WNK1: variants seen among roughly 807,000 people sequenced by gnomAD.
WNK1 encodes serine/threonine-protein kinase WNK1.
A neutral mutation model predicts 222.8 loss-of-function variants in WNK1; 38 were observed. That is an observed-to-expected ratio of 0.17 (90% CI 0.13 to 0.22). The LOEUF is 0.22. Among genes scored for constraint, WNK1 ranks in the 10% least tolerant of loss-of-function variants. The pLI is 1.00. For missense variants in WNK1, 2,348 were observed against 2,918.4 expected, an observed-to-expected ratio of 0.80 and a Z score of 4.50; for synonymous variants, 1,090 against 1,092.9, an observed-to-expected ratio of 1.00 and a Z score of 0.05.
intron 6 of WNK1, among the ~76,000 whole-genome samples, chr12:859,908 G>A (rs1260076919): frequency 6.6e-6 from 1 of 151,816 alleles, no homozygotes; most frequent in Non-Finnish European, 1.5e-5. Flanking sequence ...TATAGACAGG[G>A]TTTCACCATG....
chr12:828,143 C>CAA lies in WNK1; in HGVS notation c.1153+893_1153+894dup, dbSNP rs71051393. 5.9e-4 allele frequency among the ~76,000 whole-genome samples: 81 copies of CAA among 137,472 alleles called. 1 individual carries two copies. The highest frequency in any genetic ancestry group is 4.1e-3 in the Admixed American group (56 of 13,712). The allele number at this position is 137,472 out of a possible 152,430, so 90.2% of individuals were successfully genotyped here. ...AGAAACCCCATCTCTATTAAAAATA[C>CAA]AAAAAAAAAAAAATTAGCCGGGTGT... On this transcript the variant is annotated intron_variant, in intron 3 of 27. Transcript: ENST00000315939.
rs553926609 is a variant in WNK1 at position 758,097 on chromosome 12, G to A, written c.759+3773G>A. ...AACATTGATGCACAGATTTAAGAAT[G>A]ATTTATTTTAAGCACCTTCCCAAGT... is the stretch of plus-strand genomic sequence containing the variant. On this transcript the variant is annotated intron_variant, in intron 1 of 27. Transcript: ENST00000315939. Among the ~76,000 whole-genome samples the A allele has an allele frequency of 1.4e-4, 20 of 144,926 alleles. 1 individual carries two copies. The highest frequency in any genetic ancestry group is 3.4e-3 in the Middle Eastern group (1 of 296).
intron 1 of WNK1, among the ~76,000 whole-genome samples, chr12:799,083 G>C (rs1343110790): frequency 6.6e-6 from 1 of 151,984 alleles, no homozygotes; most frequent in African/African-American, 2.4e-5. Flanking sequence ...TGATATTTTA[G>C]GTTGACATTA....
At chr12:793,933 C>G (rs1313892404) in intron 1 of WNK1, among the ~76,000 whole-genome samples, 2 of 152,182 alleles carry the variant, frequency 1.3e-5, no homozygotes, top group Non-Finnish European at 2.9e-5. Flanking sequence ...CTCAACTCTT[C>G]CAGTTGTGTG....
rs763523093 is a variant in WNK1, at chr12:884,096, C to CGTTT, written c.3722-12_3722-9dup. The stretch of plus-strand genomic sequence containing the variant: ...TTATAATAATAATGCTATTAAGTTA[C>CGTTT]GTTTGTTTGTTTGTTTTTGACCAGG... On this transcript the variant is annotated intron_variant, in intron 17 of 27. Transcript: ENST00000315939. This position sits in a 1 kb window ranked among gnomAD's most constrained non-coding sequence, Gnocchi z 5.6. 8.7e-6 allele frequency: 14 copies of CGTTT among 1,613,462 alleles called. No individual in the cohort carries two copies. The highest frequency in any genetic ancestry group is 1.7e-4 in the Middle Eastern group (1 of 6,060).
At chr12:820,420 C>T (rs1591844529) in intron 2 of WNK1, among the ~76,000 whole-genome samples, 1 of 143,960 alleles carries the variant, frequency 6.9e-6, no homozygotes, top group African/African-American at 2.6e-5. Flanking sequence ...TGTAACTTTA[C>T]TGAATTCTTG....
chr12:844,890 CTTTTTTTTTTTTT>C lies in WNK1; in HGVS notation c.1312-12260_1312-12248del, dbSNP rs11352734. ...TAGGCCTTGAAATATTGTACCTTCT[CTTTTTTTTTTTTT>C]TTTTTTTTTTGAGACGGAGTCTCGC... On this transcript the variant is annotated intron_variant, in intron 4 of 27. Transcript: ENST00000315939. Among the ~76,000 whole-genome samples the C allele has an allele frequency of 1.4e-4, 11 of 80,432 alleles. No individual in the cohort carries two copies. The Admixed American group carries it at 1.6e-3, about 12-fold the overall frequency. 52.8% of individuals were successfully genotyped at this position (80,432 alleles called of 152,430 possible). A position where few individuals can be genotyped will look rare whatever the true frequency, so the allele number is the denominator to read the frequency against.
intron 1 of WNK1, among the ~76,000 whole-genome samples, chr12:789,444 A>C (rs565822923): frequency 1.3e-5 from 2 of 151,930 alleles, no homozygotes; most frequent in East Asian, 3.9e-4. Context: ...CATAAAATTT[A>C]GATTTTGTCC....
rs1166800124 is a variant in WNK1 at position 752,616 on chromosome 12, G to C, written c.-950G>C. The C allele has an allele frequency of 6.6e-6, 1 of 152,298 alleles. No homozygotes were observed. Among genetic ancestry groups the C allele is most frequent in the African/African-American group, 2.4e-5 (1 of 41,440 alleles). The allele number at this position is 152,298 out of a possible 1,614,324, so 9.4% of individuals were successfully genotyped here. A position where few individuals can be genotyped will look rare whatever the true frequency, so the allele number is the denominator to read the frequency against. ...CCATTTAGCGCGGAGAGTTTCCCGGGTGGACGCGGCTCCTCTCTCGGCCAC... is the reference window on the plus strand; with the variant it reads ...CCATTTAGCGCGGAGAGTTTCCCGGCTGGACGCGGCTCCTCTCTCGGCCAC... On this transcript the variant is annotated 5_prime_UTR_variant, in exon 1 of 28. Transcript: ENST00000315939.
At chr12:887,409 C>T (rs1953768650) in intron 20 of WNK1, 105 bp downstream of exon 20, 1 of 1,027,152 alleles carries the variant, frequency 9.7e-7, no homozygotes, top group South Asian at 1.3e-5. Flanking sequence ...TTGTCTTTGA[C>T]TTAGTAACAC....
At chr12:763,545 C>A (rs923020024) in intron 1 of WNK1, among the ~76,000 whole-genome samples, 1 of 146,160 alleles carries the variant, frequency 6.8e-6, no homozygotes, top group Admixed American at 6.8e-5. Context: ...GCCAAGATTG[C>A]GCCATTGCAC....
intron 14 of WNK1, 127 bp downstream of exon 14, chr12:882,200 A>AT: frequency 1.8e-6 from 2 of 1,129,136 alleles, no homozygotes; most frequent in Non-Finnish European, 2.5e-6. Context: ...TGTGACAGAT[A>AT]ATTTTTTTTT....
chr12:823,447 T>TA (rs1948073641), intron 2 of WNK1, among the ~76,000 whole-genome samples: 1 of 152,222 alleles, frequency 6.6e-6, no homozygotes, highest in Non-Finnish European at 1.5e-5. Context: ...ACAGATCTCT[T>TA]AGACTCTGCT....
intron 2 of WNK1, among the ~76,000 whole-genome samples, chr12:820,039 G>C (rs1947712764): frequency 6.6e-6 from 1 of 152,132 alleles, no homozygotes; most frequent in Non-Finnish European, 1.5e-5. Context: ...GTTTTTGACA[G>C]TTGGGGTCTT....
chr12:867,979 A>C, intron 8 of WNK1: 3 of 1,613,886 alleles, frequency 1.9e-6, no homozygotes, highest in Non-Finnish European at 2.5e-6. Context: ...CCACCTGCCC[A>C]CCGAAAGTAG....
rs1293028438 is a variant in WNK1, at chr12:758,051, AAAAG to A, written c.759+3739_759+3742del. 7.5e-3 allele frequency among the ~76,000 whole-genome samples: 659 copies of A among 88,346 alleles called. 29 individuals are homozygous for A. Among genetic ancestry groups the A allele is most frequent in the South Asian group, 0.059 (145 of 2,472 alleles). The allele number at this position is 88,346 out of a possible 152,430, so 58.0% of individuals were successfully genotyped here. On this transcript the variant is annotated intron_variant, in intron 1 of 27. Coordinates refer to ENST00000315939, the MANE Select transcript of WNK1 (RefSeq NM_018979.4). ...CTCTGTCTCTAAAAAAAAAAAAAAA[AAAAG>A]AAAGAAAGAAAAAGAAAACATTGAT...
intron 2 of WNK1, among the ~76,000 whole-genome samples, chr12:816,488 C>G (rs1947350267): frequency 1.3e-5 from 2 of 151,686 alleles, no homozygotes; most frequent in African/African-American, 4.8e-5. Flanking sequence ...TTTTGTTGCC[C>G]AGGCTGCTCT....
intron 1 of WNK1, among the ~76,000 whole-genome samples, chr12:768,098 A>G (rs1190999123): frequency 1.3e-5 from 2 of 152,206 alleles, no homozygotes; most frequent in African/African-American, 2.4e-5. Flanking sequence ...TAGTTTGGTG[A>G]CAAATTGTTT....
rs1380316459 is a variant in WNK1, at chr12:758,424, A to G, written c.759+4100A>G. Among the ~76,000 whole-genome samples, 15 of 94,726 alleles carry G rather than the reference A, an allele frequency of 1.6e-4. No individual in the cohort carries two copies. In the East Asian group the frequency reaches 5.3e-3, roughly 33 times the overall value. The allele number at this position is 94,726 out of a possible 152,430, so 62.1% of individuals were successfully genotyped here. On this transcript the variant is annotated intron_variant, in intron 1 of 27. Coordinates refer to ENST00000315939, the MANE Select transcript of WNK1 (RefSeq NM_018979.4). ...GAGACGGAGTCTCGCTCTGTCGCCC[A>G]GGCCGGACTGCGGACTGCAGTGGCG...
Sources: gnomAD v4.1 joint callset for allele counts (sites outside exome capture counted in the v4.1 genomes callset) on GRCh38, gnomAD v4.1.1 for gene constraint, Gnocchi (gnomAD v3.1) non-coding constraint, MANE v1.5 for transcripts, NCBI Gene and HGNC (gene_info 2026-07-23, HGNC 2026-07-21) for gene names.